Variants in PALD1 observed in about 807,000 individuals in gnomAD.
PALD1 encodes paladin.
In PALD1, 57 loss-of-function variants were observed where a neutral mutation model predicts 96.0. The ratio of observed to expected loss-of-function variants is 0.59; its 90% CI spans 0.48 to 0.74. The LOEUF is 0.74. Among genes scored for constraint, PALD1 ranks in the 30% least tolerant of loss-of-function variants. The probability of loss-of-function intolerance (pLI) is 0.00; values close to 1 mark genes in which losing one functional copy is unlikely to be tolerated. For missense variants in PALD1, 1,063 were observed against 1,143.7 expected, an observed-to-expected ratio of 0.93 and a Z score of 1.02; for synonymous variants, 464 against 473.6, an observed-to-expected ratio of 0.98 and a Z score of 0.26.
Position 70,532,634 on chromosome 10 carries a change from C to G in PALD1, c.647C>G (p.Ala216Gly). Residue 216 changes from alanine to glycine, a missense_variant, in exon 6 of 20, where the codon GCC (alanine) becomes GGC (glycine). Ala to Gly is a moderately conservative substitution (Grantham distance 60). Transcript: ENST00000263563. ...LAIRKEIHDF[A>G]QLSENTYHVY... The stretch of plus-strand genomic sequence containing the variant: ...ACCTCCCTCTAGATCCACGACTTTG[C>G]CCAGCTGAGCGAGAACACATACCAT... 2 of 1,614,038 alleles carry G rather than the reference C, an allele frequency of 1.2e-6. No individual in the cohort carries two copies. The highest frequency in any genetic ancestry group is 1.1e-5 in the South Asian group (1 of 91,058).
At chr10:70,559,865 A>G (rs1459138076) in intron 18 of PALD1, among the ~76,000 whole-genome samples, 2 of 152,104 alleles carry the variant, frequency 1.3e-5, no homozygotes, top group Non-Finnish European at 2.9e-5. Flanking sequence ...CAATCCTCAG[A>G]GTCTGTCTAG....
At chr10:70,538,836 C>T in intron 12 of PALD1, 56 bp from the exon 13 acceptor site, 1 of 1,490,014 alleles carries the variant, frequency 6.7e-7, no homozygotes, top group Non-Finnish European at 9.4e-7. Context: ...GGTCCTGACC[C>T]TTTCTGCGGC....
At chr10:70,508,021 A>G (rs1846428026) in intron 1 of PALD1, among the ~76,000 whole-genome samples, 1 of 152,144 alleles carries the variant, frequency 6.6e-6, no homozygotes, top group Non-Finnish European at 1.5e-5. Context: ...AAGCCTCCTG[A>G]TGCAGGGAGT....
intron 1 of PALD1, among the ~76,000 whole-genome samples, chr10:70,490,371 G>A (rs2132269582): frequency 6.6e-6 from 1 of 152,300 alleles, no homozygotes; most frequent in East Asian, 1.9e-4. Context: ...ACAGGCATGT[G>A]CCACCACATC....
intron 18 of PALD1, among the ~76,000 whole-genome samples, chr10:70,562,259 C>T (rs952981425): frequency 6.6e-6 from 1 of 152,006 alleles, no homozygotes. Flanking sequence ...CACCTTTCAC[C>T]CCTGTCCCCA....
chr10:70,562,882 C>T (rs1326536217), intron 18 of PALD1, among the ~76,000 whole-genome samples: 3 of 151,944 alleles, frequency 2.0e-5, no homozygotes. Context: ...TGGCCTGTCC[C>T]CTGACTCCCC....
chr10:70,534,701 C>A (rs369857357), intron 9 of PALD1, 38 bp from the exon 10 acceptor site: 2 of 1,335,626 alleles, frequency 1.5e-6, no homozygotes, highest in South Asian at 1.2e-5. Flanking sequence ...TCCCCACCCC[C>A]CCACCTCCCT....
chr10:70,551,971 G>A lies in PALD1; in HGVS notation c.2262+4525G>A, dbSNP rs985092072. The stretch of plus-strand genomic sequence containing the variant: ...TTTTGCCCGTTTCCTTCTGGGCTTC[G>A]TGCACTTGCATGCAGCTCTCTGGAA... On this transcript the variant is annotated intron_variant, in intron 18 of 19. Transcript: ENST00000263563. Among the ~76,000 whole-genome samples the A allele has an allele frequency of 3.3e-5, 5 of 152,296 alleles. No individual in the cohort carries two copies. The South Asian group carries it at 6.2e-4, about 19-fold the overall frequency.
chr10:70,501,109 G>T (rs1846285350), intron 1 of PALD1, among the ~76,000 whole-genome samples: 1 of 152,168 alleles, frequency 6.6e-6, no homozygotes, highest in South Asian at 2.1e-4. Context: ...GCTACATGAG[G>T]TCAAGTGCAA....
chr10:70,561,047 G>T (rs1296490997), intron 18 of PALD1, among the ~76,000 whole-genome samples: 4 of 152,172 alleles, frequency 2.6e-5, no homozygotes, highest in Non-Finnish European at 2.9e-5. Context: ...TCTGGGGGCG[G>T]GGGTCAGGCG....
At position 70,529,933 on chromosome 10, in the gene PALD1, G is replaced by A; in HGVS notation, c.333G>A (p.Val111=). 2 of 1,613,948 alleles carry A rather than the reference G, an allele frequency of 1.2e-6. No individual in the cohort carries two copies. The highest frequency in any genetic ancestry group is 1.7e-6 in the Non-Finnish European group (2 of 1,179,948). The part of the protein sequence containing the change: ...LVRDVTEKMD[V]LGTVGSCGAP... ...GGGATGTCACTGAGAAGATGGATGT[G>A]CTGGGCACCGTGGGAAGCTGTGGGG... Residue 111 remains valine, a synonymous_variant, in exon 4 of 20, where the codon GTG becomes GTA. Coordinates refer to ENST00000263563, the MANE Select transcript of PALD1 (RefSeq NM_014431.3).
chr10:70,535,439 G>T (rs868508589), intron 10 of PALD1, among the ~76,000 whole-genome samples: 5 of 82,130 alleles, frequency 6.1e-5, no homozygotes, highest in Non-Finnish European at 8.6e-5. Context: ...TCCTCCCCCC[G>T]CTTCCTCCTT....
chr10:70,548,061 T>C (rs1000734355), intron 18 of PALD1, among the ~76,000 whole-genome samples: 7 of 152,140 alleles, frequency 4.6e-5, no homozygotes, highest in African/African-American at 1.7e-4. Flanking sequence ...ATCCTAGCAC[T>C]TTAGGAGGCC....
intron 1 of PALD1, among the ~76,000 whole-genome samples, chr10:70,503,391 T>G (rs1029604594): frequency 1.3e-5 from 2 of 152,174 alleles, no homozygotes; most frequent in African/African-American, 4.8e-5. Context: ...ATCCCAGCAC[T>G]TAGGGAGGCC....
At chr10:70,498,755 G>A (rs750869065) in intron 1 of PALD1, among the ~76,000 whole-genome samples, 23 of 151,938 alleles carry the variant, frequency 1.5e-4, no homozygotes, top group South Asian at 4.2e-4. Flanking sequence ...GGTAAAACCC[G>A]GTTTCTACTA....
At chr10:70,560,805 C>T (rs1847722122) in intron 18 of PALD1, among the ~76,000 whole-genome samples, 1 of 152,108 alleles carries the variant, frequency 6.6e-6, no homozygotes, top group Non-Finnish European at 1.5e-5. Context: ...TTTTAGGGCT[C>T]AGTCCAATGG....
intron 1 of PALD1, among the ~76,000 whole-genome samples, chr10:70,483,544 A>G (rs1845969041): frequency 6.6e-6 from 1 of 152,150 alleles, no homozygotes; most frequent in Non-Finnish European, 1.5e-5. Flanking sequence ...GAAACGGCCA[A>G]CAGGCTGGGC....
chr10:70,548,830 C>T (rs377724707), intron 18 of PALD1, among the ~76,000 whole-genome samples: 70 of 152,242 alleles, frequency 4.6e-4, no homozygotes, highest in Non-Finnish European at 7.5e-4. Context: ...GGGTGGATGC[C>T]TAGCTGGAAG....
the PALD1 span, among the ~76,000 whole-genome samples, chr10:70,461,150 C>T: frequency 2.6e-4 from 40 of 152,368 alleles, no homozygotes; most frequent in African/African-American, 9.4e-4. Context: ...GCCTTCTTTC[C>T]GCTTCTAGAG....
Sources: allele counts gnomAD v4.1 joint callset (sites outside exome capture counted in the v4.1 genomes callset), GRCh38; gene constraint gnomAD v4.1.1; transcripts MANE v1.5; gene names NCBI Gene and HGNC (gene_info 2026-07-23, HGNC 2026-07-21).